The following ABCB8 variants were observed in gnomAD, a reference collection of about 807,000 sequenced individuals.
The protein encoded by ABCB8 is ATP binding cassette subfamily B member 8, also known as mitochondrial potassium channel ATP-binding subunit.
ABCB8 carries 52 observed loss-of-function variants against 73.0 expected under a neutral mutation model. That is an observed-to-expected ratio of 0.71 (90% CI 0.57 to 0.90). ABCB8 has a LOEUF of 0.90. Among genes scored for constraint, ABCB8 ranks in the 40% least tolerant of loss-of-function variants. The probability of loss-of-function intolerance (pLI) is 0.00; values close to 1 mark genes in which losing one functional copy is unlikely to be tolerated. For synonymous variants in ABCB8, 428 were observed against 423.5 expected (o/e 1.01, Z -0.13); for missense variants, 909 against 974.6 (o/e 0.93, Z 0.90).
chr7:151,030,203 A>G (rs914863692), intron 1 of ABCB8, among the ~76,000 whole-genome samples: 3 of 152,256 alleles, frequency 2.0e-5, no homozygotes, highest in African/African-American at 7.2e-5. Flanking sequence ...AAATGCATTT[A>G]GTTGGTCAGG....
At position 151,028,466 on chromosome 7, in the gene ABCB8, G is replaced by GA; in HGVS notation, c.-49dup. 1 of 1,574,284 alleles carries GA rather than the reference G, an allele frequency of 6.4e-7. No homozygotes were observed. Among genetic ancestry groups the GA allele is most frequent in the Non-Finnish European group, 8.6e-7 (1 of 1,160,484 alleles). Reference sequence around the variant, plus strand: ...GGAGCCAACATAGAGCCCTCAGTGGGATGAGGGTGAAACTGCTATTGCCGG... The same window carrying GA: ...GGAGCCAACATAGAGCCCTCAGTGGGAATGAGGGTGAAACTGCTATTGCCGG... On this transcript the variant is annotated 5_prime_UTR_variant, in exon 1 of 16. In the 5' UTR this introduces an upstream ATG that the reference lacks. Coordinates refer to ENST00000358849, the MANE Select transcript of ABCB8 (RefSeq NM_007188.5).
rs761837287 is a variant in ABCB8, at chr7:151,045,287, A to G, written c.2095A>G (p.Arg699Gly). The change falls in exon 16 of 16, where the codon AGG becomes GGG. Residue 699 changes from arginine (R) to glycine (G), a missense_variant. Transcript: ENST00000358849. ...LIRRQALDAPRTAAPPPKKPE... is the reference protein window; with the variant it reads ...LIRRQALDAPGTAAPPPKKPE... ...CCGGAGGCAGGCCCTGGATGCCCCG[A>G]GGACAGCGGCCCCACCGCCCAAAAA... The G allele has an allele frequency of 6.2e-7, 1 of 1,604,352 alleles. No homozygotes were observed. Among genetic ancestry groups the G allele is most frequent in the South Asian group, 1.1e-5 (1 of 89,808 alleles).
At chr7:151,037,419 G>A (rs1049468673) in intron 9 of ABCB8, 13 of 683,140 alleles carry the variant, frequency 1.9e-5, no homozygotes, top group South Asian at 4.7e-5. Context: ...ATTGCTTTGC[G>A]TTGGTCCAAA....
rs1456538123 is a variant in ABCB8, at chr7:151,035,608, G to A, written c.793G>A (p.Gly265Ser). Reference protein sequence around the residue: ...QGLRSCTQVAGCLVSLSMLST... With the variant: ...QGLRSCTQVASCLVSLSMLST... ...GCTGCGAAGCTGCACCCAGGTGGCA[G>A]GCTGCCTGGTGTCCCTGTCCATGCT... Residue 265 changes from glycine (G) to serine (S), a missense_variant, in exon 6 of 16, where the codon GGC (glycine) becomes AGC (serine). By Grantham distance (56) the Gly-to-Ser change is moderately conservative. Transcript: ENST00000358849. The A allele has an allele frequency of 6.2e-7, 1 of 1,602,252 alleles. No homozygotes were observed. Among genetic ancestry groups the A allele is most frequent in the South Asian group, 1.1e-5 (1 of 90,906 alleles).
intron 10 of ABCB8, 64 bp from the exon 11 acceptor site, chr7:151,040,434 C>T: frequency 6.3e-7 from 1 of 1,580,098 alleles, no homozygotes; most frequent in Non-Finnish European, 8.6e-7. Flanking sequence ...CATGGCCACT[C>T]CCTGGAGATG....
In ABCB8 at chr7:151,045,191, T is replaced by G. The variant is rs752906774; in HGVS notation, c.2017-18T>G. 2.6e-6 allele frequency: 4 copies of G among 1,536,876 alleles called. No homozygotes were observed. The highest frequency in any genetic ancestry group is 3.5e-6 in the Non-Finnish European group (4 of 1,138,706). On this transcript the variant is annotated intron_variant, in intron 15 of 15. Coordinates refer to ENST00000358849, the MANE Select transcript of ABCB8 (RefSeq NM_007188.5). ...CATGCCTTGGAGCAACCATCCGCCC[T>G]TCCCTCCCATCTTCCAGGCTGGGAC...
At chr7:151,042,964 T>C (rs1796508095) in intron 14 of ABCB8, among the ~76,000 whole-genome samples, 1 of 152,214 alleles carries the variant, frequency 6.6e-6, no homozygotes, top group Non-Finnish European at 1.5e-5. Flanking sequence ...TCCTAGTACT[T>C]TCTGCTCATT....
At chr7:151,034,851 A>G (rs1389522016) in intron 5 of ABCB8, 22 bp downstream of exon 5, 4 of 1,587,540 alleles carry the variant, frequency 2.5e-6, no homozygotes, top group Non-Finnish European at 3.5e-6. Flanking sequence ...AGTGGCCCCC[A>G]CCACGTCCAC....
At chr7:151,044,950 T>G (rs1400096841) in intron 15 of ABCB8, among the ~76,000 whole-genome samples, 1 of 152,224 alleles carries the variant, frequency 6.6e-6, no homozygotes. Flanking sequence ...GATCCTGAGT[T>G]GGAGCCTTGG....
At chr7:151,035,764 C>T (rs1796288480) in intron 6 of ABCB8, 22 bp downstream of exon 6, 1 of 1,611,434 alleles carries the variant, frequency 6.2e-7, no homozygotes, top group African/African-American at 1.3e-5. Context: ...CCTGGCCATC[C>T]TCTTCACCCT....
chr7:151,032,423 C>T (rs950662736), intron 1 of ABCB8, among the ~76,000 whole-genome samples: 4 of 152,336 alleles, frequency 2.6e-5, no homozygotes, highest in South Asian at 2.1e-4. Flanking sequence ...AGGCCAGGCA[C>T]GGTGGCTCAT....
chr7:151,042,664 C>G (rs773519019), intron 14 of ABCB8, among the ~76,000 whole-genome samples: 1 of 152,252 alleles, frequency 6.6e-6, no homozygotes, highest in African/African-American at 2.4e-5. Flanking sequence ...TGCAGCTTGA[C>G]GTGCGGAGCT....
In ABCB8 at chr7:151,040,528, G is replaced by A. The variant is rs763176994; in HGVS notation, c.1282G>A (p.Val428Ile). The A allele has an allele frequency of 1.2e-6, 2 of 1,612,988 alleles. No homozygotes were observed. Among genetic ancestry groups the A allele is most frequent in the African/African-American group, 2.7e-5 (2 of 74,896 alleles). The change falls in exon 11 of 16, where the codon GTC becomes ATC. Residue 428 changes from valine to isoleucine, a missense_variant. Physicochemically the swap from Val to Ile is conservative, Grantham distance 29. Coordinates refer to ENST00000358849, the MANE Select transcript of ABCB8 (RefSeq NM_007188.5). ...VVRGLSAGAR[V>I]FEYMALNPCI... ...CCGGGGGCTGAGTGCAGGTGCCCGG[G>A]TCTTTGAGTACATGGCCCTGAACCC...
intron 2 of ABCB8, 82 bp downstream of exon 2, chr7:151,033,999 T>C (rs1282995451): frequency 6.9e-7 from 1 of 1,459,450 alleles, no homozygotes; most frequent in African/African-American, 1.4e-5. Context: ...CCTCGCTGCC[T>C]CTCAGGGGAG....
rs1044446892 is a variant in ABCB8 at position 151,036,756 on chromosome 7, C to T, written c.1217+107C>T. ...CCTTCTCTGGGGGCCGACTGCTGTG[C>T]AGCTCCAGGCCTGCCCAGCTTCCCC... On this transcript the variant is annotated intron_variant, in intron 9 of 15. Transcript: ENST00000358849. 6 of 978,306 alleles carry T rather than the reference C, an allele frequency of 6.1e-6. No individual in the cohort carries two copies. The African/African-American group carries it at 6.5e-5, about 11-fold the overall frequency. The allele number at this position is 978,306 out of a possible 1,614,324, so 60.6% of individuals were successfully genotyped here.
Position 151,046,707 on chromosome 7 carries a change from G to A in ABCB8, c.*1358G>A, listed in dbSNP as rs997100649. The A allele has an allele frequency of 1.3e-5, 2 of 152,266 alleles. No homozygotes were observed. The highest frequency in any genetic ancestry group is 2.9e-5 in the Non-Finnish European group (2 of 68,062). 9.4% of individuals were successfully genotyped at this position (152,266 alleles called of 1,614,324 possible). On this transcript the variant is annotated 3_prime_UTR_variant, in exon 16 of 16. Coordinates refer to ENST00000358849, the MANE Select transcript of ABCB8 (RefSeq NM_007188.5). Reference sequence around the variant, plus strand: ...CTGGATTTACCCTGTGTAAAGAAGGGTGGTACCCTCTTTCAGGGGTGTGAT... The same window carrying A: ...CTGGATTTACCCTGTGTAAAGAAGGATGGTACCCTCTTTCAGGGGTGTGAT...
At chr7:151,041,829 A>G in intron 13 of ABCB8, 132 bp from the exon 14 acceptor site, 3 of 1,170,266 alleles carry the variant, frequency 2.6e-6, no homozygotes, top group Non-Finnish European at 2.4e-6. Flanking sequence ...CTGACTTTGA[A>G]CGTCTGATTC....
chr7:151,031,258 G>A, intron 1 of ABCB8: 3 of 1,552,724 alleles, frequency 1.9e-6, no homozygotes, highest in South Asian at 1.2e-5. Flanking sequence ...TGGCGTAATG[G>A]GAAAACTGGA....
chr7:151,035,507 A>G, intron 5 of ABCB8, 74 bp from the exon 6 acceptor site: 1 of 1,503,756 alleles, frequency 6.7e-7, no homozygotes, highest in Non-Finnish European at 8.9e-7. Flanking sequence ...AGCTACAGTC[A>G]GCTGACCCTT....
Sources: gnomAD v4.1 joint callset for allele counts (sites outside exome capture counted in the v4.1 genomes callset) on GRCh38, gnomAD v4.1.1 for gene constraint, MANE v1.5 for transcripts, NCBI Gene and HGNC (gene_info 2026-07-23, HGNC 2026-07-21) for gene names.